The following SEMA5A variants were observed in gnomAD, a reference collection of about 807,000 sequenced individuals.
SEMA5A encodes semaphorin-5A.
In SEMA5A, 55 loss-of-function variants were observed where a neutral mutation model predicts 135.5. That is an observed-to-expected ratio of 0.41 (90% confidence interval 0.33 to 0.51). SEMA5A has a LOEUF of 0.51. Ranked by LOEUF, SEMA5A falls within the 20% of genes least tolerant of loss-of-function variation. SEMA5A has a pLI of 0.37. For missense variants in SEMA5A, 1,290 were observed against 1,419.9 expected (o/e 0.91, Z 1.47); for synonymous variants, 580 against 546.5 (o/e 1.06, Z -0.85).
intron 16 of SEMA5A, among the ~76,000 whole-genome samples, chr5:9,094,577 CTCTTT>C (rs1393813116): frequency 2.0e-5 from 3 of 152,242 alleles, no homozygotes; most frequent in Non-Finnish European, 4.4e-5. Context: ...TTGTATCTCT[CTCTTT>C]TGAGTTTGAG....
intron 1 of SEMA5A, among the ~76,000 whole-genome samples, chr5:9,529,566 T>C (rs571458408): frequency 6.6e-6 from 1 of 152,344 alleles, no homozygotes; most frequent in East Asian, 1.9e-4. Context: ...TCCAGGAATA[T>C]TTCAGACATT....
chr5:9,455,478 A>G (rs1468529887), intron 1 of SEMA5A, among the ~76,000 whole-genome samples: 4 of 151,930 alleles, frequency 2.6e-5, no homozygotes, highest in East Asian at 1.9e-4. Context: ...GGACAGTCTC[A>G]ATCTCCTGAC....
At chr5:9,136,662 A>G in intron 12 of SEMA5A, 41 bp from the exon 13 acceptor site, 1 of 1,533,976 alleles carries the variant, frequency 6.5e-7, no homozygotes, top group South Asian at 1.1e-5. Flanking sequence ...AGGTCGCTTT[A>G]CCCATGATAA....
At chr5:9,425,536 T>C (rs940389513) in intron 2 of SEMA5A, among the ~76,000 whole-genome samples, 1 of 152,242 alleles carries the variant, frequency 6.6e-6, no homozygotes, top group Admixed American at 6.5e-5. Flanking sequence ...TAGCCCTTGG[T>C]GACCCCATGT....
chr5:9,313,783 A>G (rs1752269878), intron 5 of SEMA5A, among the ~76,000 whole-genome samples: 1 of 152,182 alleles, frequency 6.6e-6, no homozygotes, highest in South Asian at 2.1e-4. Context: ...TTCTTCAGGA[A>G]GAAGATAAAT....
chr5:9,051,769 T>C (rs1736590117), intron 20 of SEMA5A, 104 bp downstream of exon 20: 1 of 1,404,916 alleles, frequency 7.1e-7, no homozygotes, highest in East Asian at 2.3e-5. Flanking sequence ...TGGAATCATC[T>C]CTATTTCACC....
intron 3 of SEMA5A, among the ~76,000 whole-genome samples, chr5:9,347,669 T>C (rs553156919): frequency 4.6e-5 from 7 of 152,210 alleles, no homozygotes; most frequent in African/African-American, 1.7e-4. Flanking sequence ...ACTGTTTCAG[T>C]GAGGGCAGGA....
intron 16 of SEMA5A, among the ~76,000 whole-genome samples, chr5:9,093,559 T>C (rs1227826588): frequency 2.0e-5 from 3 of 151,968 alleles, no homozygotes; most frequent in South Asian, 2.1e-4. Flanking sequence ...ATATAAAAGT[T>C]AGCTGGGCCT....
At chr5:9,105,441 T>C (rs987149683) in intron 16 of SEMA5A, among the ~76,000 whole-genome samples, 1 of 152,244 alleles carries the variant, frequency 6.6e-6, no homozygotes, top group Non-Finnish European at 1.5e-5. Context: ...TAAACTGCTA[T>C]AATAATCAGG....
intron 3 of SEMA5A, among the ~76,000 whole-genome samples, chr5:9,348,775 A>G (rs1753985735): frequency 6.6e-6 from 1 of 152,254 alleles, no homozygotes; most frequent in Non-Finnish European, 1.5e-5. Context: ...GTAAACAGTG[A>G]TAGCCAGAAG....
At chr5:9,227,606 C>T (rs1452151174) in intron 6 of SEMA5A, among the ~76,000 whole-genome samples, 6 of 147,294 alleles carry the variant, frequency 4.1e-5, no homozygotes, top group South Asian at 4.2e-4. Context: ...GCTGGAGTGC[C>T]GTGGTGCAAA....
chr5:9,340,517 C>T (rs1323837794), intron 3 of SEMA5A, among the ~76,000 whole-genome samples: 1 of 152,166 alleles, frequency 6.6e-6, no homozygotes, highest in East Asian at 1.9e-4. Flanking sequence ...AAGAGACATA[C>T]ATCAGGTTTT....
intron 16 of SEMA5A, among the ~76,000 whole-genome samples, chr5:9,076,708 T>C (rs1425167948): frequency 6.6e-6 from 1 of 151,884 alleles, no homozygotes; most frequent in Non-Finnish European, 1.5e-5. Flanking sequence ...ATGGCATTTA[T>C]GTTTGCTTAT....
rs141362702 is a variant in SEMA5A, at chr5:9,378,236, C to A, written c.124+1587G>T. ...AATAAAAGTATAAATTGATGGGGGG[C>A]GGGGAACATTTATTTTGCCTTTCCT... On this transcript the variant is annotated intron_variant, in intron 3 of 22. Coordinates refer to ENST00000382496, the MANE Select transcript of SEMA5A (RefSeq NM_003966.3). Among the ~76,000 whole-genome samples, 256 of 151,906 alleles carry A rather than the reference C, an allele frequency of 1.7e-3. 4 individuals carry two copies. The highest frequency in any genetic ancestry group is 5.5e-3 in the African/African-American group (229 of 41,432).
intron 11 of SEMA5A, among the ~76,000 whole-genome samples, chr5:9,173,236 C>T (rs1418681450): frequency 6.7e-6 from 1 of 150,000 alleles, no homozygotes; most frequent in Non-Finnish European, 1.5e-5. Flanking sequence ...GCACTTACTA[C>T]AGTCAGAAAA....
rs1306315047 is a variant in SEMA5A, at chr5:9,042,808, C to T, written c.*89G>A. 46 of 1,504,462 alleles carry T rather than the reference C, an allele frequency of 3.1e-5. No individual in the cohort carries two copies. The highest frequency in any genetic ancestry group is 6.8e-5 in the East Asian group (3 of 44,052). The allele number at this position is 1,504,462 out of a possible 1,614,324, so 93.2% of individuals were successfully genotyped here. ...ATGCACTTGAAATGTATCCAAACTT[C>T]GACTCTGAAGCCTCAGAAACATGGG... On this transcript the variant is annotated 3_prime_UTR_variant, in exon 23 of 23. Transcript: ENST00000382496.
At position 9,388,047 on chromosome 5, in the gene SEMA5A, C is replaced by T. The variant is rs548315885; in HGVS notation, c.-77-8024G>A. On this transcript the variant is annotated intron_variant, in intron 2 of 22. Coordinates refer to ENST00000382496, the MANE Select transcript of SEMA5A (RefSeq NM_003966.3). Reference sequence around the variant, plus strand: ...TTACTGAAACACAGACCACTCTTAACTCCAGAAACACTACTCACTGCCACC... The same window carrying T: ...TTACTGAAACACAGACCACTCTTAATTCCAGAAACACTACTCACTGCCACC... Among the ~76,000 whole-genome samples, 41 of 152,352 alleles carry T rather than the reference C, an allele frequency of 2.7e-4. No individual in the cohort carries two copies. In the South Asian group the frequency reaches 5.0e-3, roughly 18 times the overall value.
Position 9,441,768 on chromosome 5 carries a change from G to A in SEMA5A, c.-174-3916C>T, listed in dbSNP as rs3798020. ...ATCGGCTAGCAGCAGCATGTGCCAC[G>A]ATGACTACCTGCAAGATCACTCACA... On this transcript the variant is annotated intron_variant, in intron 1 of 22. Transcript: ENST00000382496. Among the ~76,000 whole-genome samples the A allele has an allele frequency of 2.6e-4, 39 of 152,252 alleles. No individual in the cohort carries two copies. The East Asian group carries it at 7.2e-3, about 28-fold the overall frequency.
chr5:9,162,381 CATGTGT>C (rs1175671663), intron 11 of SEMA5A, among the ~76,000 whole-genome samples: 83 of 93,358 alleles, frequency 8.9e-4, no homozygotes, highest in South Asian at 8.3e-3. Flanking sequence ...TTCAAACAAA[CATGTGT>C]GTGTGTGTGT....
Sources: gnomAD v4.1 joint callset for allele counts (sites outside exome capture counted in the v4.1 genomes callset) on GRCh38, gnomAD v4.1.1 for gene constraint, MANE v1.5 for transcripts, NCBI Gene and HGNC (gene_info 2026-07-23, HGNC 2026-07-21) for gene names.